The following ZDBF2 variants were observed in gnomAD, a reference collection of about 807,000 sequenced individuals.
ZDBF2 encodes DBF4-type zinc finger-containing protein 2.
A neutral mutation model predicts 9.4 loss-of-function variants in ZDBF2; 6 were observed. That is an observed-to-expected ratio of 0.64 (90% confidence interval 0.35 to 1.27). The LOEUF (loss-of-function observed/expected upper bound fraction) is 1.27, where lower values mean the gene tolerates loss of function less well. ZDBF2 is among the 50% of genes most tolerant of loss of function. The pLI, the probability that ZDBF2 is intolerant of heterozygous loss-of-function variation, is 0.03. For synonymous variants in ZDBF2, 905 were observed against 946.3 expected, an observed-to-expected ratio of 0.96 and a Z score of 0.80; for missense variants, 2,697 against 2,766.8, an observed-to-expected ratio of 0.97 and a Z score of 0.57.
chr2:206,296,688 C>T (rs903040205), intron 3 of ZDBF2, among the ~76,000 whole-genome samples: 5 of 152,124 alleles, frequency 3.3e-5, no homozygotes, highest in East Asian at 1.9e-4. Flanking sequence ...TGAAACCATA[C>T]GTGTGGTTTT....
At position 206,299,963 on chromosome 2, in the gene ZDBF2, G is replaced by A. The variant is rs182167807; in HGVS notation, c.188+2590G>A. 4.5e-4 allele frequency among the ~76,000 whole-genome samples: 69 copies of A among 152,230 alleles called. 1 individual carries two copies. Among genetic ancestry groups the A allele is most frequent in the African/African-American group, 1.6e-3 (65 of 41,532 alleles). On this transcript the variant is annotated intron_variant, in intron 4 of 4. Coordinates refer to ENST00000374423, the MANE Select transcript of ZDBF2 (RefSeq NM_020923.3). The stretch of plus-strand genomic sequence containing the variant: ...CCTTTACTAAAAATACAAAAAATTA[G>A]CCGGGCATGGTGGTGCATGCCTGTA...
At chr2:206,291,582 C>G (rs1434630679) in intron 3 of ZDBF2, among the ~76,000 whole-genome samples, 1 of 152,156 alleles carries the variant, frequency 6.6e-6, no homozygotes, top group Non-Finnish European at 1.5e-5. Flanking sequence ...CCTAAATTAC[C>G]TCCTAAAAGC....
rs375209310 is a variant in ZDBF2, at chr2:206,309,331, C to G, written c.4803C>G (p.Phe1601Leu). Residue 1601 changes from phenylalanine (F) to leucine (L), a missense_variant, in exon 5 of 5, where the codon TTC becomes TTG. Physicochemically the swap from Phe to Leu is conservative, Grantham distance 22. Transcript: ENST00000374423. ...PSMTNQCKET[F>L]KIINRKKDYI... ...TGACAAACCAATGCAAAGAGACTTT[C>G]AAAATAATAAACCGGAAGAAGGACT... 5.0e-6 allele frequency: 8 copies of G among 1,612,572 alleles called. No homozygotes were observed. Among genetic ancestry groups the G allele is most frequent in the Non-Finnish European group, 5.1e-6 (6 of 1,179,370 alleles).
At position 206,311,411 on chromosome 2, in the gene ZDBF2, G is replaced by C; in HGVS notation, c.6883G>C (p.Val2295Leu). The part of the protein sequence containing the change: ...AMANPPPKRP[V>L]RASCRVARRR... Reference sequence around the variant, plus strand: ...GGCAAATCCTCCTCCAAAGCGACCTGTGCGGGCTTCTTGCCGCGTTGCAAG... The same window carrying C: ...GGCAAATCCTCCTCCAAAGCGACCTCTGCGGGCTTCTTGCCGCGTTGCAAG... Residue 2295 changes from valine to leucine, a missense_variant, in exon 5 of 5, where the codon GTG becomes CTG. By Grantham distance (32) the Val-to-Leu change is conservative. This residue lies in a region of ZDBF2 where 1,783 missense variants were observed against 1,776.5 expected (regional missense o/e 1.00). Coordinates refer to ENST00000374423, the MANE Select transcript of ZDBF2 (RefSeq NM_020923.3). 2 of 1,609,758 alleles carry C rather than the reference G, an allele frequency of 1.2e-6. No homozygotes were observed. Among genetic ancestry groups the C allele is most frequent in the South Asian group, 1.1e-5 (1 of 90,136 alleles).
At position 206,308,765 on chromosome 2, in the gene ZDBF2, G is replaced by A; in HGVS notation, c.4237G>A (p.Ala1413Thr). 1 of 1,613,668 alleles carries A rather than the reference G, an allele frequency of 6.2e-7. No homozygotes were observed. The highest frequency in any genetic ancestry group is 8.5e-7 in the Non-Finnish European group (1 of 1,179,788). The change falls in exon 5 of 5, where the codon GCT becomes ACT. Residue 1413 changes from alanine (A) to threonine (T), a missense_variant. Transcript: ENST00000374423. ...ATTAGGTGATTTTGATGTAAGTTAT[G>A]CTTCTCATATTCCTGTTCAGTTTGT... ...YKLGDFDVSY[A>T]SHIPVQFVTD...
chr2:206,297,181 T>G (rs1296036254), intron 3 of ZDBF2, 65 bp from the exon 4 acceptor site: 1 of 636,034 alleles, frequency 1.6e-6, no homozygotes, highest in East Asian at 3.0e-5. Context: ...ATGAATCCAT[T>G]TTGTCGAACT....
intron 4 of ZDBF2, among the ~76,000 whole-genome samples, chr2:206,300,359 A>G (rs183475730): frequency 1.4e-4 from 21 of 152,294 alleles, no homozygotes; most frequent in Non-Finnish European, 2.6e-4. Flanking sequence ...TATCTTAAAT[A>G]GTTCCTCAGT....
At position 206,306,054 on chromosome 2, in the gene ZDBF2, C is replaced by G. The variant is rs1295903862; in HGVS notation, c.1526C>G (p.Pro509Arg). Residue 509 changes from proline to arginine, a missense_variant, in exon 5 of 5, where the codon CCC becomes CGC. Transcript: ENST00000374423. ...TCACCTCAGTCCACTAGTGACTACCCCCAACAATCTGTAACAGAAGTAAAC... is the reference window on the plus strand; with the variant it reads ...TCACCTCAGTCCACTAGTGACTACCGCCAACAATCTGTAACAGAAGTAAAC... Reference protein sequence around the residue: ...DASPQSTSDYPQQSVTEVNLP... With the variant: ...DASPQSTSDYRQQSVTEVNLP... 1 of 1,613,702 alleles carries G rather than the reference C, an allele frequency of 6.2e-7. No individual in the cohort carries two copies. The highest frequency in any genetic ancestry group is 8.5e-7 in the Non-Finnish European group (1 of 1,179,796).
intron 3 of ZDBF2, among the ~76,000 whole-genome samples, chr2:206,295,778 C>T (rs1170927869): frequency 1.3e-5 from 2 of 152,068 alleles, no homozygotes; most frequent in East Asian, 3.9e-4. Context: ...TGGAATAGCA[C>T]TGTGTTTGGT....
At chr2:206,292,338 G>A (rs529555233) in intron 3 of ZDBF2, among the ~76,000 whole-genome samples, 15 of 152,182 alleles carry the variant, frequency 9.9e-5, no homozygotes, top group African/African-American at 3.6e-4. Flanking sequence ...TAACTACAGA[G>A]TTAACAGAAA....
rs1224939065 is a variant in ZDBF2, at chr2:206,275,086, G to C, written c.-103+140G>C. On this transcript the variant is annotated intron_variant, in intron 1 of 4. Coordinates refer to ENST00000374423, the MANE Select transcript of ZDBF2 (RefSeq NM_020923.3). ...TCCCGCGGCCGCCTCGCAGGTCCTC[G>C]GCTTCCCCCCACCCCGCGTCCCTTT... 3 of 152,234 alleles carry C rather than the reference G, an allele frequency of 2.0e-5. No individual in the cohort carries two copies. In the South Asian group the frequency reaches 6.2e-4, roughly 32 times the overall value. The allele number at this position is 152,234 out of a possible 1,614,324, so 9.4% of individuals were successfully genotyped here.
At chr2:206,284,634 G>A (rs1387665857) in intron 3 of ZDBF2, among the ~76,000 whole-genome samples, 1 of 152,120 alleles carries the variant, frequency 6.6e-6, no homozygotes, top group African/African-American at 2.4e-5. Context: ...CTAGTAATCA[G>A]CATTCTATTC....
chr2:206,307,923 A>G lies in ZDBF2; in HGVS notation c.3395A>G (p.Lys1132Arg), dbSNP rs1262532593. The G allele has an allele frequency of 6.2e-7, 1 of 1,613,704 alleles. No individual in the cohort carries two copies. Among genetic ancestry groups the G allele is most frequent in the South Asian group, 1.1e-5 (1 of 91,068 alleles). ...VSVQSVADQP[K>R]VAIKHVNLGN... ...GTCCAATCTGTGGCTGATCAACCCA[A>G]AGTAGCTATTAAACATGTGAACCTT... The change falls in exon 5 of 5, where the codon AAA becomes AGA. Residue 1132 changes from lysine to arginine, a missense_variant. Around this residue, in one of 3 missense-constraint regions of ZDBF2, gnomAD observed 1,783 missense variants for 1,776.5 expected, o/e 1.00. Transcript: ENST00000374423.
chr2:206,304,728 A>T lies in ZDBF2; in HGVS notation c.200A>T (p.Asp67Val). Reference sequence around the variant, plus strand: ...CCCTTTCGTTTTAGTTCAACACAAGATGAGACACATGTGAATACTGGGTCA... The same window carrying T: ...CCCTTTCGTTTTAGTTCAACACAAGTTGAGACACATGTGAATACTGGGTCA... ...YHCQESSSTQDETHVNTGSSS... is the reference protein window; with the variant it reads ...YHCQESSSTQVETHVNTGSSS... Residue 67 changes from aspartate (D) to valine (V), a missense_variant, in exon 5 of 5, where the codon GAT becomes GTT. Coordinates refer to ENST00000374423, the MANE Select transcript of ZDBF2 (RefSeq NM_020923.3). 6.2e-7 allele frequency: 1 copy of T among 1,608,066 alleles called. No homozygotes were observed. The highest frequency in any genetic ancestry group is 1.1e-5 in the South Asian group (1 of 90,086).
rs867239703 is a variant in ZDBF2, at chr2:206,305,843, C to T, written c.1315C>T (p.Gln439Ter). 1.2e-6 allele frequency: 2 copies of T among 1,613,186 alleles called. No individual in the cohort carries two copies. The highest frequency in any genetic ancestry group is 1.7e-6 in the Non-Finnish European group (2 of 1,179,624). The change falls in exon 5 of 5, where the codon CAG (glutamine) becomes TAG (stop). Residue 439 changes from glutamine (Q) to a stop codon, truncating the protein, a stop_gained. Coordinates refer to ENST00000374423, the MANE Select transcript of ZDBF2 (RefSeq NM_020923.3). LOFTEE classifies it low-confidence loss of function (END_TRUNC). ...TTCCAAGGAAGTACGTACTGATGTA[C>T]AGTATAAGAATAATAAATCTTATGT... ...NLSKEVRTDV[Q>*]YKNNKSYVSK...
rs760193799 is a variant in ZDBF2, at chr2:206,306,220, G to T, written c.1692G>T (p.Lys564Asn). The T allele has an allele frequency of 2.5e-6, 4 of 1,613,428 alleles. No individual in the cohort carries two copies. Among genetic ancestry groups the T allele is most frequent in the Admixed American group, 3.3e-5 (2 of 59,898 alleles). The change falls in exon 5 of 5, where the codon AAG (lysine) becomes AAT (asparagine). Residue 564 changes from lysine (K) to asparagine (N), a missense_variant. This residue lies in a region of ZDBF2 where 910 missense variants were observed against 973.6 expected (regional missense o/e 0.93). Coordinates refer to ENST00000374423, the MANE Select transcript of ZDBF2 (RefSeq NM_020923.3). The stretch of plus-strand genomic sequence containing the variant: ...CTGTCACAGAAACAAAACTTCGGAA[G>T]AAGGCTCATACCAGCTTGGTTGATA... The part of the protein sequence containing the change: ...PVAVTETKLR[K>N]KAHTSLVDNY...
In ZDBF2 at chr2:206,309,477, A is replaced by C; in HGVS notation, c.4949A>C (p.Tyr1650Ser). ...GGACCTGATGAGAAAATGGTGAAAT[A>C]TATTGATTCAGAAGATAAGAGCTGT... is the stretch of plus-strand genomic sequence containing the variant. ...SQGPDEKMVKYIDSEDKSCGY... is the reference protein window; with the variant it reads ...SQGPDEKMVKSIDSEDKSCGY... Residue 1650 changes from tyrosine (Y) to serine (S), a missense_variant, in exon 5 of 5, where the codon TAT becomes TCT. By Grantham distance (144) the Tyr-to-Ser change is moderately radical. Coordinates refer to ENST00000374423, the MANE Select transcript of ZDBF2 (RefSeq NM_020923.3). 6.2e-7 allele frequency: 1 copy of C among 1,613,970 alleles called. No homozygotes were observed. The highest frequency in any genetic ancestry group is 1.1e-5 in the South Asian group (1 of 91,076).
rs749234711 is a variant in ZDBF2 at position 206,307,951 on chromosome 2, G to T, written c.3423G>T (p.Gly1141=). 1 of 1,613,628 alleles carries T rather than the reference G, an allele frequency of 6.2e-7. No homozygotes were observed. The highest frequency in any genetic ancestry group is 8.5e-7 in the Non-Finnish European group (1 of 1,179,764). ...TAGCTATTAAACATGTGAACCTTGG[G>T]AATGAAAACCATATGTACTTGGAAG... The part of the protein sequence containing the change: ...PKVAIKHVNL[G]NENHMYLEVK... Residue 1141 remains glycine (G), a synonymous_variant, in exon 5 of 5, where the codon GGG becomes GGT. Transcript: ENST00000374423.
Position 206,307,456 on chromosome 2 carries a change from A to C in ZDBF2, c.2928A>C (p.Lys976Asn). The change falls in exon 5 of 5, where the codon AAA (lysine) becomes AAC (asparagine). Residue 976 changes from lysine to asparagine, a missense_variant. By Grantham distance (94) the Lys-to-Asn change is moderately conservative. Around this residue, in one of 3 missense-constraint regions of ZDBF2, gnomAD observed 1,783 missense variants for 1,776.5 expected, o/e 1.00. Transcript: ENST00000374423. Reference sequence around the variant, plus strand: ...CTCACAAACCTGAAGTAATTGTCAAAGAAACATGGCTTCAAAGAGAAAAGC... The same window carrying C: ...CTCACAAACCTGAAGTAATTGTCAACGAAACATGGCTTCAAAGAGAAAAGC... ...AATHKPEVIVKETWLQREKHA... is the reference protein window; with the variant it reads ...AATHKPEVIVNETWLQREKHA... The C allele has an allele frequency of 6.2e-7, 1 of 1,612,226 alleles. No homozygotes were observed.
Sources: allele counts gnomAD v4.1 joint callset (sites outside exome capture counted in the v4.1 genomes callset), GRCh38; gene constraint gnomAD v4.1.1; regional missense constraint gnomAD v4.1.1; transcripts MANE v1.5; gene names NCBI Gene and HGNC (gene_info 2026-07-23, HGNC 2026-07-21).